RPL3L: variants seen among roughly 807,000 people sequenced by gnomAD.
RPL3L encodes ribosomal protein uL3-like.
A neutral mutation model predicts 44.5 loss-of-function variants in RPL3L; 44 were observed. That is an observed-to-expected ratio of 0.99 (90% CI 0.78 to 1.27). RPL3L has a LOEUF of 1.27. Among genes scored for constraint, RPL3L ranks in the 50% most tolerant of loss-of-function variants. The probability of loss-of-function intolerance (pLI) is 0.00; values close to 1 mark genes in which losing one functional copy is unlikely to be tolerated. For synonymous variants in RPL3L, 292 were observed against 230.7 expected, an observed-to-expected ratio of 1.27 and a Z score of -2.41; for missense variants, 631 against 569.1, an observed-to-expected ratio of 1.11 and a Z score of -1.11.
At chr16:1,951,100 A>AC (rs932238079) in intron 3 of RPL3L, 121 bp from the exon 4 acceptor site, 15 of 1,320,856 alleles carry the variant, frequency 1.1e-5, no homozygotes, top group Non-Finnish European at 1.4e-5. Flanking sequence ...ACCGCCCCCC[A>AC]CCCGGAGGCC....
At chr16:1,954,482 C>G (rs2083193540) in intron 1 of RPL3L, 147 bp downstream of exon 1, 4 of 955,764 alleles carry the variant, frequency 4.2e-6, no homozygotes, top group Non-Finnish European at 6.0e-6. Flanking sequence ...GAGCCCAGCC[C>G]TCGTCCCCTT....
intron 7 of RPL3L, 104 bp from the exon 8 acceptor site, chr16:1,946,034 A>G: frequency 1.0e-6 from 1 of 953,410 alleles, no homozygotes; most frequent in Non-Finnish European, 1.6e-6. Context: ...GATAGGCAGG[A>G]GCCCCGTGCC....
At chr16:1,945,010 C>T in intron 9 of RPL3L, 117 bp from the exon 10 acceptor site, 1 of 1,258,404 alleles carries the variant, frequency 7.9e-7, no homozygotes, top group Non-Finnish European at 1.2e-6. Context: ...AGGCTGCTTC[C>T]TCCCCCACCT....
At chr16:1,951,159 C>A (rs535417815) in intron 3 of RPL3L, among the ~76,000 whole-genome samples, 180 bp from the exon 4 acceptor site, 5 of 152,164 alleles carry the variant, frequency 3.3e-5, no homozygotes, top group African/African-American at 1.2e-4. Flanking sequence ...GTCTCTCCCC[C>A]TCTAGGCCCC....
rs1207539799 is a variant in RPL3L at position 1,952,989 on chromosome 16, G to C, written c.250C>G (p.Leu84Val). ...EAVTIVETPPLVVVGVVGYVA... is the reference protein window; with the variant it reads ...EAVTIVETPPVVVVGVVGYVA... ...TAGCCCACCACGCCCACCACCACTA[G>C]GGGCGGCGTTTCTACAATTGTCACC... The change falls in exon 3 of 10, where the codon CTA (leucine) becomes GTA (valine). Residue 84 changes from leucine to valine, a missense_variant. Coordinates refer to ENST00000268661, the MANE Select transcript of RPL3L (RefSeq NM_005061.3). The C allele has an allele frequency of 6.2e-7, 1 of 1,610,404 alleles. No individual in the cohort carries two copies. The highest frequency in any genetic ancestry group is 8.5e-7 in the Non-Finnish European group (1 of 1,178,826).
In RPL3L at chr16:1,944,522, G is replaced by A. The variant is rs1316230240; in HGVS notation, c.*315C>T. 8.8e-6 allele frequency: 2 copies of A among 226,612 alleles called. No homozygotes were observed. The highest frequency in any genetic ancestry group is 8.8e-5 in the East Asian group (1 of 11,320). The allele number at this position is 226,612 out of a possible 1,614,324, so 14.0% of individuals were successfully genotyped here. A position where few individuals can be genotyped will look rare whatever the true frequency, so the allele number is the denominator to read the frequency against. On this transcript the variant is annotated 3_prime_UTR_variant, in exon 10 of 10. Transcript: ENST00000268661. ...GCTCCCCGGCACTCCAGCAGCCTGG[G>A]CGACAAGATCAAGACTCTCTCAAAA...
rs958877630 is a variant in RPL3L at position 1,945,986 on chromosome 16, T to G, written c.952-56A>C. Reference sequence around the variant, plus strand: ...CGGAAAGGGCTTCTGAGTTAGTGGGTGGCTGGGGGCCCTAGCAGAACCCCC... The same window carrying G: ...CGGAAAGGGCTTCTGAGTTAGTGGGGGGCTGGGGGCCCTAGCAGAACCCCC... On this transcript the variant is annotated intron_variant, in intron 7 of 9. Coordinates refer to ENST00000268661, the MANE Select transcript of RPL3L (RefSeq NM_005061.3). 6.0e-6 allele frequency: 9 copies of G among 1,491,376 alleles called. No individual in the cohort carries two copies. The African/African-American group carries it at 6.9e-5, about 11-fold the overall frequency. 92.4% of individuals were successfully genotyped at this position (1,491,376 alleles called of 1,614,324 possible).
Position 1,948,755 on chromosome 16 carries a change from G to A in RPL3L, c.502-1375C>T, listed in dbSNP as rs190462859. The stretch of plus-strand genomic sequence containing the variant: ...TTTTGAGACGGAGTTTTGCTCTGTC[G>A]CCCAGGCTGGAGTGCAGTGGCGCAA... On this transcript the variant is annotated intron_variant, in intron 4 of 9. Transcript: ENST00000268661. Among the ~76,000 whole-genome samples the A allele has an allele frequency of 4.5e-3, 669 of 149,474 alleles. 6 individuals carry two copies. Among genetic ancestry groups the A allele is most frequent in the Middle Eastern group, 0.029 (8 of 280 alleles).
chr16:1,945,660 C>T, intron 8 of RPL3L, 42 bp from the exon 9 acceptor site: 2 of 1,612,372 alleles, frequency 1.2e-6, no homozygotes, highest in South Asian at 2.2e-5. Context: ...TGTGGGGATC[C>T]CCCACACCCT....
At position 1,950,396 on chromosome 16, in the gene RPL3L, G is replaced by A. The variant is rs545763327; in HGVS notation, c.501+448C>T. On this transcript the variant is annotated intron_variant, in intron 4 of 9. Coordinates refer to ENST00000268661, the MANE Select transcript of RPL3L (RefSeq NM_005061.3). ...TGGGAAGCTCAGGGTCGGGGGCACT[G>A]CTCTAGGGCCTCGGGAAGCCTTCCC... Among the ~76,000 whole-genome samples the A allele has an allele frequency of 9.2e-5, 14 of 152,120 alleles. No individual in the cohort carries two copies. In the South Asian group the frequency reaches 2.7e-3, roughly 29 times the overall value.
chr16:1,952,889 C>T lies in RPL3L; in HGVS notation c.350G>A (p.Arg117Gln), dbSNP rs144165819. The change falls in exon 3 of 10, where the codon CGA becomes CAA. Residue 117 changes from arginine (R) to glutamine (Q), a missense_variant. By Grantham distance (43) the Arg-to-Gln change is conservative. Coordinates refer to ENST00000268661, the MANE Select transcript of RPL3L (RefSeq NM_005061.3). ...CGGTGCTCACCAGTCCTTGTAGAATCGGCGCCGGCACTCATCACTGAGGTG... is the reference window on the plus strand; with the variant it reads ...CGGTGCTCACCAGTCCTTGTAGAATTGGCGCCGGCACTCATCACTGAGGTG... ...AEHLSDECRR[R>Q]FYKDWHKSKK... 4.0e-5 allele frequency: 65 copies of T among 1,613,766 alleles called. No individual in the cohort carries two copies. Among genetic ancestry groups the T allele is most frequent in the African/African-American group, 1.2e-4 (9 of 74,924 alleles).
intron 3 of RPL3L, among the ~76,000 whole-genome samples, chr16:1,951,225 G>A (rs1276814591): frequency 5.3e-5 from 8 of 152,218 alleles, no homozygotes; most frequent in Non-Finnish European, 7.3e-5. Context: ...CTGAGAGTGA[G>A]TGGCAGAGGT....
intron 7 of RPL3L, 84 bp downstream of exon 7, chr16:1,946,541 A>T: frequency 7.1e-7 from 1 of 1,414,040 alleles, no homozygotes; most frequent in East Asian, 2.3e-5. Context: ...CTACATGTAT[A>T]CCAGGCCCCC....
At position 1,943,995 on chromosome 16, in the gene RPL3L, G is replaced by A. The variant is rs1323342308; in HGVS notation, c.*842C>T. 2 of 152,112 alleles carry A rather than the reference G, an allele frequency of 1.3e-5. No homozygotes were observed. The highest frequency in any genetic ancestry group is 1.9e-4 in the East Asian group (1 of 5,180). The allele number at this position is 152,112 out of a possible 1,614,324, so 9.4% of individuals were successfully genotyped here. On this transcript the variant is annotated 3_prime_UTR_variant, in exon 10 of 10. Transcript: ENST00000268661. ...CAGCTAATTTTGTATTTTTAATAGA[G>A]ACGAGGTTTCTCGATGTTGGCCAGG...
In RPL3L at chr16:1,945,692, C is replaced by T. The variant is rs1181247963; in HGVS notation, c.1048-74G>A. On this transcript the variant is annotated intron_variant, in intron 8 of 9. Transcript: ENST00000268661. Reference sequence around the variant, plus strand: ...CCCTGCTGTGAACCTCCAAGCCCCACCAGGAAGGTCTTGCTCACCTAGTTC... The same window carrying T: ...CCCTGCTGTGAACCTCCAAGCCCCATCAGGAAGGTCTTGCTCACCTAGTTC... 5.0e-6 allele frequency: 8 copies of T among 1,607,754 alleles called. No individual in the cohort carries two copies. The African/African-American group carries it at 9.4e-5, about 19-fold the overall frequency.
At chr16:1,948,026 C>CCT (rs2083138110) in intron 4 of RPL3L, among the ~76,000 whole-genome samples, 2 of 148,584 alleles carry the variant, frequency 1.3e-5, no homozygotes, top group African/African-American at 5.0e-5. Flanking sequence ...CAAGCTCTGC[C>CCT]TCCCGGGTTC....
At chr16:1,948,083 G>A (rs1206190479) in intron 4 of RPL3L, among the ~76,000 whole-genome samples, 9 of 151,200 alleles carry the variant, frequency 6.0e-5, no homozygotes, top group Admixed American at 5.9e-4. Flanking sequence ...GACTACAGGT[G>A]CCCGCCACCT....
At chr16:1,949,926 G>A (rs1277504584) in intron 4 of RPL3L, among the ~76,000 whole-genome samples, 1 of 87,936 alleles carries the variant, frequency 1.1e-5, no homozygotes, top group African/African-American at 4.7e-5. Flanking sequence ...GGGCAGGTAT[G>A]TAAGGGGCAG....
Position 1,945,516 on chromosome 16 carries a change from C to G in RPL3L, c.1150G>C (p.Glu384Gln), listed in dbSNP as rs199859922. ...FGHGRFQTAQEKRAFMGPQKK... is the reference protein window; with the variant it reads ...FGHGRFQTAQQKRAFMGPQKK... ...GAGCTCACCATGAAGGCCCTCTTCT[C>G]TTGGGCTGTCTGGAAGCGGCCATGG... The change falls in exon 9 of 10, where the codon GAG (glutamate) becomes CAG (glutamine). Residue 384 changes from glutamate (E) to glutamine (Q), a missense_variant. By Grantham distance (29) the Glu-to-Gln change is conservative. Coordinates refer to ENST00000268661, the MANE Select transcript of RPL3L (RefSeq NM_005061.3). The G allele has an allele frequency of 3.7e-6, 6 of 1,613,076 alleles. No individual in the cohort carries two copies. In the East Asian group the frequency reaches 1.3e-4, roughly 36 times the overall value.
Sources: allele counts gnomAD v4.1 joint callset (sites outside exome capture counted in the v4.1 genomes callset), GRCh38; gene constraint gnomAD v4.1.1; transcripts MANE v1.5; gene names NCBI Gene and HGNC (gene_info 2026-07-23, HGNC 2026-07-21).